The following RIMS2 variants were observed in gnomAD, a reference collection of about 807,000 sequenced individuals.
RIMS2 encodes the protein regulating synaptic membrane exocytosis 2.
In RIMS2, 59 loss-of-function variants were observed where a neutral mutation model predicts 174.4. The observed-to-expected ratio is 0.34, with a 90% CI of 0.27 to 0.42. RIMS2 has a LOEUF of 0.42. Among genes scored for constraint, RIMS2 ranks in the 10% least tolerant of loss-of-function variants. RIMS2 has a pLI of 1.00. For synonymous variants in RIMS2, 606 were observed against 572.5 expected (o/e 1.06, Z -0.84); for missense variants, 1,620 against 1,666.3 (o/e 0.97, Z 0.48).
At chr8:103,757,046 A>C (rs578092607) in intron 2 of RIMS2, among the ~76,000 whole-genome samples, 1 of 151,900 alleles carries the variant, frequency 6.6e-6, no homozygotes, top group South Asian at 2.1e-4. Context: ...AGATACAGAG[A>C]GAGATATTCA....
At chr8:103,993,921 C>T (rs1346642452) in intron 17 of RIMS2, among the ~76,000 whole-genome samples, 3 of 151,070 alleles carry the variant, frequency 2.0e-5, no homozygotes, top group African/African-American at 7.3e-5. Context: ...TGGTGTGCAC[C>T]TTTTTTTTAT....
intron 2 of RIMS2, among the ~76,000 whole-genome samples, chr8:103,754,337 T>C (rs564877312): frequency 3.4e-4 from 51 of 152,226 alleles, no homozygotes; most frequent in Middle Eastern, 3.4e-3. Flanking sequence ...CTGAGGAGTG[T>C]TTTACTTCCA....
chr8:103,538,771 T>G (rs1841105617), intron 1 of RIMS2, among the ~76,000 whole-genome samples: 1 of 152,180 alleles, frequency 6.6e-6, no homozygotes. Flanking sequence ...CCTCCCAAAG[T>G]GCTGGGATTA....
intron 1 of RIMS2, among the ~76,000 whole-genome samples, chr8:103,688,670 G>A (rs2136986411): frequency 6.6e-6 from 1 of 152,070 alleles, no homozygotes; most frequent in East Asian, 1.9e-4. Flanking sequence ...GGAAGAGTTT[G>A]AGAAGGATTG....
At chr8:103,926,047 C>G (rs17238250) in intron 10 of RIMS2, among the ~76,000 whole-genome samples, 28,964 of 151,222 alleles carry the variant, frequency 0.19, 3,200 homozygotes, top group Non-Finnish European at 0.24. Flanking sequence ...CTGTGAGATG[C>G]ATGTCTGAGT....
intron 5 of RIMS2, among the ~76,000 whole-genome samples, chr8:103,911,638 G>GT (rs2075690866): frequency 6.6e-6 from 1 of 152,132 alleles, no homozygotes; most frequent in Non-Finnish European, 1.5e-5. Flanking sequence ...TTCCAAAAGT[G>GT]TTTGAAGAGG....
chr8:103,994,693 A>G (rs2094957795), intron 17 of RIMS2, among the ~76,000 whole-genome samples: 1 of 152,094 alleles, frequency 6.6e-6, no homozygotes, highest in Admixed American at 6.6e-5. Context: ...CACAATGGTA[A>G]ATTTTGTATA....
At chr8:103,529,088 T>C (rs1182198923) in intron 1 of RIMS2, among the ~76,000 whole-genome samples, 1 of 152,204 alleles carries the variant, frequency 6.6e-6, no homozygotes, top group Non-Finnish European at 1.5e-5. Context: ...TTTATAGTTC[T>C]CCTTGAAGAG....
intron 1 of RIMS2, among the ~76,000 whole-genome samples, chr8:103,608,876 C>T (rs1341582587): frequency 6.6e-6 from 1 of 152,214 alleles, no homozygotes; most frequent in African/African-American, 2.4e-5. Flanking sequence ...CACCCACTGA[C>T]CTGCGCCCAC....
rs543867930 is a variant in RIMS2 at position 103,570,457 on chromosome 8, T to A, written c.176+69395T>A. Among the ~76,000 whole-genome samples, 3 of 152,300 alleles carry A rather than the reference T, an allele frequency of 2.0e-5. No individual in the cohort carries two copies. In the South Asian group the frequency reaches 6.2e-4, roughly 32 times the overall value. On this transcript the variant is annotated intron_variant, in intron 1 of 23. Coordinates refer to ENST00000504942, the Ensembl canonical transcript of RIMS2. ...TATTGAATGTTCTTATAAATAAGTC[T>A]CTCCCATTTCATAAATCCTCTGATG...
chr8:103,797,145 G>C (rs1024448015), intron 3 of RIMS2, among the ~76,000 whole-genome samples: 1 of 152,178 alleles, frequency 6.6e-6, no homozygotes, highest in African/African-American at 2.4e-5. Context: ...TGTTAAGTGA[G>C]GGTGTGCCTT....
At chr8:103,842,478 T>C (rs2098946000) in intron 3 of RIMS2, among the ~76,000 whole-genome samples, 1 of 149,146 alleles carries the variant, frequency 6.7e-6, no homozygotes, top group African/African-American at 2.6e-5. Flanking sequence ...TAATAACTTA[T>C]TATAATTAAT....
chr8:103,912,964 TTTG>T (rs2075961524), intron 6 of RIMS2, among the ~76,000 whole-genome samples: 1 of 147,686 alleles, frequency 6.8e-6, no homozygotes, highest in East Asian at 1.9e-4. Flanking sequence ...GCAAACTTTT[TTTG>T]TTGTTTTTTT....
intron 19 of RIMS2, among the ~76,000 whole-genome samples, chr8:104,060,742 T>A (rs1367020376): frequency 1.3e-5 from 2 of 152,348 alleles, no homozygotes; most frequent in Middle Eastern, 3.4e-3. Flanking sequence ...CTGCTTTGAA[T>A]GTGTCCCAGA....
chr8:103,857,030 G>A (rs2099031677), intron 3 of RIMS2, among the ~76,000 whole-genome samples: 1 of 152,062 alleles, frequency 6.6e-6, no homozygotes, highest in South Asian at 2.1e-4. Flanking sequence ...TGTATAGGTA[G>A]AGACAATATC....
chr8:103,760,942 A>T (rs2098105639), intron 2 of RIMS2, among the ~76,000 whole-genome samples: 1 of 152,186 alleles, frequency 6.6e-6, no homozygotes. Flanking sequence ...GAATTCTATG[A>T]TTTCAATTAA....
chr8:103,512,999 T>G (rs1270312683), intron 1 of RIMS2, among the ~76,000 whole-genome samples: 1 of 152,190 alleles, frequency 6.6e-6, no homozygotes, highest in Non-Finnish European at 1.5e-5. Context: ...ATTTTGCATT[T>G]TTAAAATGTT....
intron 16 of RIMS2, among the ~76,000 whole-genome samples, chr8:103,981,470 T>C (rs891663330): frequency 1.3e-5 from 2 of 152,036 alleles, no homozygotes; most frequent in Non-Finnish European, 2.9e-5. Context: ...AACTCTTCAA[T>C]GCCAAGACAC....
chr8:103,775,563 G>A (rs141421583), intron 3 of RIMS2, among the ~76,000 whole-genome samples: 42 of 152,226 alleles, frequency 2.8e-4, no homozygotes, highest in African/African-American at 9.4e-4. Flanking sequence ...AATGCTTGGT[G>A]CATATGATGA....
Sources: allele counts gnomAD v4.1 joint callset (sites outside exome capture counted in the v4.1 genomes callset), GRCh38; gene constraint gnomAD v4.1.1; transcripts MANE v1.5; gene names NCBI Gene and HGNC (gene_info 2026-07-23, HGNC 2026-07-21).